The following CAPRIN2 variants were observed in gnomAD, a reference collection of about 807,000 sequenced individuals.
CAPRIN2 encodes the protein caprin family member 2.
CAPRIN2 carries 66 observed loss-of-function variants against 130.4 expected under a neutral mutation model. That is an observed-to-expected ratio of 0.51 (90% CI 0.42 to 0.62). The LOEUF is 0.62. Ranked by LOEUF, CAPRIN2 falls within the 20% of genes least tolerant of loss-of-function variation. CAPRIN2 has a pLI of 0.00. For synonymous variants in CAPRIN2, 471 were observed against 444.1 expected, an observed-to-expected ratio of 1.06 and a Z score of -0.76; for missense variants, 1,185 against 1,246.6, an observed-to-expected ratio of 0.95 and a Z score of 0.74.
chr12:30,727,800 G>C (rs1230120886), intron 8 of CAPRIN2, among the ~76,000 whole-genome samples: 1 of 152,070 alleles, frequency 6.6e-6, no homozygotes, highest in Non-Finnish European at 1.5e-5. Flanking sequence ...TTCTCATTTT[G>C]AAATGGAAAT....
chr12:30,714,994 A>G (rs1172767660), exon 14 of CAPRIN2: 2 of 1,613,908 alleles, frequency 1.2e-6, no homozygotes, highest in African/African-American at 1.3e-5. Context: ...GGAATTGGTT[A>G]TTAATCTCCC....
intron 3 of CAPRIN2, among the ~76,000 whole-genome samples, chr12:30,736,159 G>C (rs2064680871): frequency 6.7e-6 from 1 of 149,466 alleles, no homozygotes; most frequent in Admixed American, 6.7e-5. Context: ...AAAAAAAGCA[G>C]TTTCCCCTCC....
At chr12:30,723,263 A>G (rs1485522410) in exon 11 of CAPRIN2, 1 of 1,609,064 alleles carries the variant, frequency 6.2e-7, no homozygotes, top group Non-Finnish European at 8.5e-7. Context: ...AGTTACCTGT[A>G]ACGGCTCTTG....
chr12:30,728,797 G>C, exon 8 of CAPRIN2: 3 of 1,614,080 alleles, frequency 1.9e-6, no homozygotes, highest in Non-Finnish European at 2.5e-6. Context: ...CAGGATTTTG[G>C]AGTCTCTGGC....
At chr12:30,749,692 G>C (rs1268592221) in intron 2 of CAPRIN2, among the ~76,000 whole-genome samples, 4 of 152,128 alleles carry the variant, frequency 2.6e-5, no homozygotes, top group African/African-American at 4.8e-5. Context: ...AGGTTTTGGG[G>C]AACAGGGAAA....
At chr12:30,750,117 A>G (rs1158592707) in intron 2 of CAPRIN2, among the ~76,000 whole-genome samples, 1 of 152,236 alleles carries the variant, frequency 6.6e-6, no homozygotes, top group African/African-American at 2.4e-5. Flanking sequence ...TGTCCAGCTA[A>G]GCCCTCTCCC....
chr12:30,730,704 G>A (rs1311381374), intron 6 of CAPRIN2, among the ~76,000 whole-genome samples: 8 of 152,084 alleles, frequency 5.3e-5, no homozygotes, highest in Admixed American at 4.6e-4. Context: ...ATAAGAGAGT[G>A]GAGATACTTA....
rs148479179 is a variant in CAPRIN2 at position 30,730,250 on chromosome 12, G to T, written c.1093C>A (p.Gln365Lys). Reference sequence around the variant, plus strand: ...TTTCAGTATCTTACCTCTTGTGGTTGTATCTCTGGCTGGGCAAATTCCATT... The same window carrying T: ...TTTCAGTATCTTACCTCTTGTGGTTTTATCTCTGGCTGGGCAAATTCCATT... The change falls in exon 7 of 17, where the codon CAA (glutamine) becomes AAA (lysine). Residue 365 changes from glutamine to lysine, a missense_variant. Gln to Lys is a moderately conservative substitution (Grantham distance 53). Coordinates refer to ENST00000298892, the Ensembl canonical transcript of CAPRIN2. 386 of 1,611,130 alleles carry T rather than the reference G, an allele frequency of 2.4e-4. 1 individual carries two copies. In the African/African-American group the frequency reaches 4.2e-3, roughly 18 times the overall value.
chr12:30,728,336 C>T (rs1346522754), intron 8 of CAPRIN2: 6 of 220,614 alleles, frequency 2.7e-5, no homozygotes, highest in Admixed American at 2.0e-4. Flanking sequence ...GGTTGGATCA[C>T]GAGATCAGGA....
chr12:30,727,849 T>C (rs1337667055), intron 8 of CAPRIN2, among the ~76,000 whole-genome samples: 1 of 152,166 alleles, frequency 6.6e-6, no homozygotes, highest in African/African-American at 2.4e-5. Context: ...TACTGAAATA[T>C]CTGCAACCAC....
At position 30,710,538 on chromosome 12, in the gene CAPRIN2, A is replaced by T; in HGVS notation, c.2666-68T>A. The T allele has an allele frequency of 1.3e-6, 2 of 1,596,050 alleles. No individual in the cohort carries two copies. The highest frequency in any genetic ancestry group is 1.3e-5 in the African/African-American group (1 of 74,540). ...AGCTTTGAACACAATATTTAACATT[A>T]GTCGGCTACTGAAACAGACAAAGAT... On this transcript the variant is annotated intron_variant, in intron 16 of 16. Transcript: ENST00000298892. The surrounding 1 kb of genome is among the most constrained non-coding windows in gnomAD (Gnocchi z 4.8).
intron 3 of CAPRIN2, among the ~76,000 whole-genome samples, chr12:30,740,806 T>C (rs950131813): frequency 6.6e-6 from 1 of 152,234 alleles, no homozygotes; most frequent in African/African-American, 2.4e-5. Flanking sequence ...CAATGTCTCA[T>C]ACTCAGATGC....
intron 11 of CAPRIN2, among the ~76,000 whole-genome samples, chr12:30,722,203 A>G (rs2059619343): frequency 6.6e-6 from 1 of 152,234 alleles, no homozygotes; most frequent in Admixed American, 6.5e-5. Flanking sequence ...CTGCTTCCAA[A>G]TTAGTGCTTT....
chr12:30,725,951 G>T lies in CAPRIN2; in HGVS notation c.1905+15C>A. 6.5e-7 allele frequency: 1 copy of T among 1,541,370 alleles called. No individual in the cohort carries two copies. On this transcript the variant is annotated intron_variant, in intron 9 of 16. Transcript: ENST00000298892. The stretch of plus-strand genomic sequence containing the variant: ...CCCCATGAATATCATTTAAGATTTT[G>T]TAAATGACTCATACTTGCATAAAGT...
intron 7 of CAPRIN2, among the ~76,000 whole-genome samples, 188 bp from the exon 9 acceptor site, chr12:30,729,513 C>G (rs1439801579): frequency 6.6e-6 from 1 of 152,070 alleles, no homozygotes; most frequent in East Asian, 1.9e-4. Context: ...CTGTCCATTC[C>G]TTTTTCCTCA....
chr12:30,732,766 T>TACCA (rs2138166063), intron 5 of CAPRIN2, among the ~76,000 whole-genome samples: 1 of 152,226 alleles, frequency 6.6e-6, no homozygotes, highest in South Asian at 2.1e-4. Context: ...TGCATGGGTA[T>TACCA]ACCACATTTT....
intron 4 of CAPRIN2, among the ~76,000 whole-genome samples, chr12:30,734,453 G>C (rs115183925): frequency 0.016 from 2,391 of 152,184 alleles, 60 homozygotes; most frequent in African/African-American, 0.054. Flanking sequence ...CCAGTTTGCA[G>C]GTTTTGTATT....
At chr12:30,711,609 A>G (rs1184923087) in exon 16 of CAPRIN2, 7 of 1,613,638 alleles carry the variant, frequency 4.3e-6, no homozygotes, top group African/African-American at 2.7e-5. Flanking sequence ...CTCCTCGCTT[A>G]TAACACTGCT....
At chr12:30,739,988 A>G (rs898730049) in intron 3 of CAPRIN2, among the ~76,000 whole-genome samples, 2 of 152,256 alleles carry the variant, frequency 1.3e-5, no homozygotes, top group Admixed American at 6.5e-5. Flanking sequence ...TAAATATCAT[A>G]AAAGTATACT....
Sources: allele counts gnomAD v4.1 joint callset (sites outside exome capture counted in the v4.1 genomes callset), GRCh38; gene constraint gnomAD v4.1.1; non-coding constraint Gnocchi (gnomAD v3.1); transcripts MANE v1.5; gene names NCBI Gene and HGNC (gene_info 2026-07-23, HGNC 2026-07-21).